Variants in UTRN observed in about 807,000 individuals in gnomAD.
UTRN encodes the protein utrophin.
In UTRN, 283 loss-of-function variants were observed where a neutral mutation model predicts 463.9. The observed-to-expected ratio is 0.61, with a 90% CI of 0.55 to 0.67. The LOEUF (loss-of-function observed/expected upper bound fraction) is 0.67. Among genes scored for constraint, UTRN ranks in the 30% least tolerant of loss-of-function variants. The pLI is 0.00. For missense variants in UTRN, 3,922 were observed against 4,084.3 expected (o/e 0.96, Z 1.08); for synonymous variants, 1,442 against 1,431.5 (o/e 1.01, Z -0.17).
chr6:144,286,231 G>A lies in UTRN; in HGVS notation c.-93+410G>A, dbSNP rs1278648845. On this transcript the variant is annotated intron_variant, in intron 1 of 74. Transcript: ENST00000367545. This position sits in a 1 kb window ranked among gnomAD's most constrained non-coding sequence, Gnocchi z 4.4. ...GGGCCAGTGATTTGCAAGAGGGGAC[G>A]TGGCCTCTTAGGAGAGTCTGTCACA... is the stretch of plus-strand genomic sequence containing the variant. Among the ~76,000 whole-genome samples the A allele has an allele frequency of 6.6e-6, 1 of 151,206 alleles. No homozygotes were observed. Among genetic ancestry groups the A allele is most frequent in the Non-Finnish European group, 1.5e-5 (1 of 68,038 alleles).
chr6:144,819,905 CCTCCTCCTCT>C lies in UTRN; in HGVS notation c.9358-973_9358-964del, dbSNP rs1168388188. On this transcript the variant is annotated intron_variant, in intron 65 of 74. Coordinates refer to ENST00000367545, the MANE Select transcript of UTRN (RefSeq NM_007124.3). ...TCCTCCTCCTCCTCCTCCTCCTCCT[CCTCCTCCTCT>C]CTCTCTCTCTCTCTCTCTTTCTGTC... 4.7e-5 allele frequency among the ~76,000 whole-genome samples: 6 copies of C among 126,346 alleles called. No individual in the cohort carries two copies. In the South Asian group the frequency reaches 1.6e-3, roughly 34 times the overall value. The allele number at this position is 126,346 out of a possible 152,430, so 82.9% of individuals were successfully genotyped here.
intron 61 of UTRN, among the ~76,000 whole-genome samples, chr6:144,788,628 G>A (rs368521398): frequency 4.7e-5 from 7 of 149,604 alleles, no homozygotes; most frequent in Admixed American, 1.3e-4. Context: ...GCAATGGCAC[G>A]ATCTCGGCTC....
chr6:144,794,839 G>A (rs1777070282), intron 63 of UTRN, among the ~76,000 whole-genome samples: 1 of 152,172 alleles, frequency 6.6e-6, no homozygotes, highest in Admixed American at 6.6e-5. Context: ...TCATATGACA[G>A]AAGAAGTGAA....
At chr6:144,514,119 A>G in intron 36 of UTRN, 82 bp downstream of exon 36, 2 of 1,548,910 alleles carry the variant, frequency 1.3e-6, no homozygotes, top group Admixed American at 1.9e-5. Flanking sequence ...GCTCTAAGTT[A>G]CTTAGCTCTC....
intron 2 of UTRN, among the ~76,000 whole-genome samples, chr6:144,297,090 T>TA (rs113471036): frequency 0.014 from 1,998 of 144,296 alleles, 55 homozygotes; most frequent in African/African-American, 0.048. Flanking sequence ...GAGCTGAAGT[T>TA]AAAAAAAAAA....
At chr6:144,691,172 G>A (rs1442178930) in intron 52 of UTRN, among the ~76,000 whole-genome samples, 4 of 152,058 alleles carry the variant, frequency 2.6e-5, no homozygotes, top group African/African-American at 7.2e-5. Context: ...GCTGGAGTGC[G>A]ATGGTGCAAT....
At chr6:144,679,096 A>G (rs1781953021) in intron 52 of UTRN, among the ~76,000 whole-genome samples, 1 of 152,080 alleles carries the variant, frequency 6.6e-6, no homozygotes, top group Admixed American at 6.6e-5. Context: ...GTTGTTTTTT[A>G]TGCCTCATTC....
chr6:144,349,667 G>A (rs6941232), intron 2 of UTRN, among the ~76,000 whole-genome samples: 10,121 of 152,186 alleles, frequency 0.067, 1,065 homozygotes, highest in African/African-American at 0.23. Flanking sequence ...CTGAAGCTGT[G>A]CACTCCATCA....
chr6:144,370,935 TC>T (rs1341139134), intron 2 of UTRN, among the ~76,000 whole-genome samples: 1 of 152,206 alleles, frequency 6.6e-6, no homozygotes, highest in African/African-American at 2.4e-5. Flanking sequence ...GCCCTTTTGC[TC>T]CATGGGATGT....
intron 2 of UTRN, among the ~76,000 whole-genome samples, chr6:144,298,259 T>TA (rs1804911608): frequency 1.3e-5 from 2 of 152,214 alleles, no homozygotes; most frequent in Non-Finnish European, 2.9e-5. Flanking sequence ...AATGTATACT[T>TA]ACTCTCGAGA....
At chr6:144,310,878 A>G (rs761873216) in intron 2 of UTRN, among the ~76,000 whole-genome samples, 6 of 152,262 alleles carry the variant, frequency 3.9e-5, no homozygotes, top group African/African-American at 7.2e-5. Context: ...GATTAGCTGC[A>G]TGTCAGCCTT....
At chr6:144,440,819 A>G (rs1185397817) in intron 13 of UTRN, among the ~76,000 whole-genome samples, 1 of 152,218 alleles carries the variant, frequency 6.6e-6, no homozygotes, top group Non-Finnish European at 1.5e-5. Flanking sequence ...AGGGACTTAC[A>G]GTTCCATGTG....
Position 144,820,960 on chromosome 6 carries a change from C to T in UTRN, c.9436C>T (p.His3146Tyr), listed in dbSNP as rs754828746. The T allele has an allele frequency of 1.2e-6, 2 of 1,613,938 alleles. No individual in the cohort carries two copies. The highest frequency in any genetic ancestry group is 1.7e-5 in the Admixed American group (1 of 60,022). ...CAGGTCGAAGAAGTACTTTGCCAAA[C>T]ACCCTCGACTTGGTTACCTGCCTGT... is the stretch of plus-strand genomic sequence containing the variant. ...KFRSKKYFAK[H>Y]PRLGYLPVQT... The change falls in exon 66 of 75, where the codon CAC becomes TAC. Residue 3146 changes from histidine to tyrosine, a missense_variant. By Grantham distance (83) the His-to-Tyr change is moderately conservative. Coordinates refer to ENST00000367545, the MANE Select transcript of UTRN (RefSeq NM_007124.3).
intron 1 of UTRN, among the ~76,000 whole-genome samples, chr6:144,287,071 G>A (rs1341561915): frequency 2.0e-5 from 3 of 152,196 alleles, no homozygotes; most frequent in African/African-American, 7.2e-5. Flanking sequence ...TCCTTTGTAA[G>A]TTGCACCGGC....
Position 144,289,977 on chromosome 6 carries a change from T to C in UTRN, c.-92-1760T>C, listed in dbSNP as rs944508580. 2.6e-5 allele frequency among the ~76,000 whole-genome samples: 4 copies of C among 152,206 alleles called. 1 individual carries two copies. The South Asian group carries it at 8.3e-4, about 31-fold the overall frequency. Reference sequence around the variant, plus strand: ...CCTAGTTTTCCCACTTATTTTACAATACTTACTGCATTTTTCTGTCTGTCT... The same window carrying C: ...CCTAGTTTTCCCACTTATTTTACAACACTTACTGCATTTTTCTGTCTGTCT... On this transcript the variant is annotated intron_variant, in intron 1 of 74. Transcript: ENST00000367545.
At chr6:144,574,237 G>A (rs755478199) in intron 50 of UTRN, among the ~76,000 whole-genome samples, 2 of 152,156 alleles carry the variant, frequency 1.3e-5, no homozygotes, top group South Asian at 2.1e-4. Flanking sequence ...AATTCCAGGC[G>A]AGGAAATTTG....
intron 2 of UTRN, among the ~76,000 whole-genome samples, chr6:144,298,192 G>A (rs1200123930): frequency 6.6e-6 from 1 of 152,078 alleles, no homozygotes; most frequent in Non-Finnish European, 1.5e-5. Flanking sequence ...TGCCTTAACT[G>A]TTTAATAATA....
chr6:144,431,559 C>T (rs1785845742), intron 9 of UTRN, among the ~76,000 whole-genome samples: 1 of 152,220 alleles, frequency 6.6e-6, no homozygotes, highest in Admixed American at 6.5e-5. Context: ...CTGCATTTCT[C>T]TTTAAATATC....
chr6:144,433,340 C>T (rs866262543), intron 9 of UTRN, among the ~76,000 whole-genome samples: 1,995 of 148,452 alleles, frequency 0.013, 44 homozygotes, highest in African/African-American at 0.047. Flanking sequence ...CCCTCCCGGA[C>T]GGGGCGGCTG....
Sources: allele counts gnomAD v4.1 joint callset (sites outside exome capture counted in the v4.1 genomes callset), GRCh38; gene constraint gnomAD v4.1.1; non-coding constraint Gnocchi (gnomAD v3.1); transcripts MANE v1.5; gene names NCBI Gene and HGNC (gene_info 2026-07-23, HGNC 2026-07-21).